Variants in BACH2 observed in about 807,000 individuals in gnomAD.
BACH2 encodes the protein transcription regulator protein BACH2.
Under a neutral mutation model 61.8 loss-of-function variants are expected in BACH2, and 5 were observed. That is an observed-to-expected ratio of 0.08 (90% CI 0.04 to 0.17). The LOEUF (loss-of-function observed/expected upper bound fraction) is 0.17, where lower values mean the gene tolerates loss of function less well. Ranked by LOEUF, BACH2 falls within the 10% of genes least tolerant of loss-of-function variation. BACH2 has a pLI of 1.00. For synonymous variants in BACH2, 446 were observed against 440.1 expected, an observed-to-expected ratio of 1.01 and a Z score of -0.17; for missense variants, 824 against 1,091.1, an observed-to-expected ratio of 0.76 and a Z score of 3.45.
At chr6:90,066,663 C>T (rs1300340570) in intron 5 of BACH2, among the ~76,000 whole-genome samples, 4 of 152,186 alleles carry the variant, frequency 2.6e-5, no homozygotes, top group Admixed American at 6.5e-5. Flanking sequence ...TTCCTTCATG[C>T]CACCTTTACT....
At chr6:90,193,361 C>A (rs1768643201) in intron 4 of BACH2, among the ~76,000 whole-genome samples, 1 of 152,102 alleles carries the variant, frequency 6.6e-6, no homozygotes. Context: ...AATTTGGATA[C>A]ACACAGGAAA....
intron 1 of BACH2, among the ~76,000 whole-genome samples, chr6:90,281,381 A>G (rs1272499519): frequency 6.6e-6 from 1 of 152,236 alleles, no homozygotes; most frequent in Non-Finnish European, 1.5e-5. Flanking sequence ...ACACATATAT[A>G]AAAAACATAG....
At chr6:89,948,774 A>T (rs1038449805) in intron 7 of BACH2, among the ~76,000 whole-genome samples, 4 of 152,174 alleles carry the variant, frequency 2.6e-5, no homozygotes, top group African/African-American at 9.7e-5. Flanking sequence ...AGGGACACAG[A>T]TGTGAGCCTG....
At chr6:90,173,530 T>C (rs981028584) in intron 4 of BACH2, among the ~76,000 whole-genome samples, 1 of 152,132 alleles carries the variant, frequency 6.6e-6, no homozygotes, top group African/African-American at 2.4e-5. Context: ...ACAGCATAAA[T>C]GAATCTCAAA....
chr6:90,056,021 C>A (rs917368686), intron 5 of BACH2, among the ~76,000 whole-genome samples: 8 of 152,262 alleles, frequency 5.3e-5, no homozygotes, highest in Admixed American at 3.9e-4. Flanking sequence ...AAAAACATAC[C>A]AAATTGTAAA....
chr6:90,091,351 G>C (rs1344460823), intron 4 of BACH2, among the ~76,000 whole-genome samples: 1 of 152,144 alleles, frequency 6.6e-6, no homozygotes, highest in Non-Finnish European at 1.5e-5. Context: ...TGTGAGGTAA[G>C]AGTGTTATAT....
At position 90,066,274 on chromosome 6, in the gene BACH2, C is replaced by T. The variant is rs532556638; in HGVS notation, c.-13+22687G>A. Among the ~76,000 whole-genome samples the T allele has an allele frequency of 6.6e-5, 10 of 152,246 alleles. No individual in the cohort carries two copies. In the South Asian group the frequency reaches 2.1e-3, roughly 32 times the overall value. ...ACACTGCACAGGAATTCACGTGGTG[C>T]ATTCAAGAGAGGTGACCAGTGGCTC... On this transcript the variant is annotated intron_variant, in intron 5 of 8. Coordinates refer to ENST00000257749, the MANE Select transcript of BACH2 (RefSeq NM_021813.4).
chr6:90,274,757 TTC>T (rs1323442430), intron 1 of BACH2, among the ~76,000 whole-genome samples: 2 of 152,246 alleles, frequency 1.3e-5, no homozygotes, highest in African/African-American at 2.4e-5. Context: ...GTTATTTAGA[TTC>T]TGTCATTGAG....
chr6:89,999,917 A>G (rs1369441752), intron 6 of BACH2, among the ~76,000 whole-genome samples: 7 of 152,242 alleles, frequency 4.6e-5, no homozygotes, highest in Non-Finnish European at 7.3e-5. Flanking sequence ...AGAAATCTTA[A>G]AAACGGCTTT....
intron 5 of BACH2, among the ~76,000 whole-genome samples, chr6:90,058,119 C>G (rs1780469708): frequency 6.6e-6 from 1 of 152,114 alleles, no homozygotes; most frequent in Non-Finnish European, 1.5e-5. Context: ...GAAGTTCTGG[C>G]CAGGGCAATT....
chr6:90,175,570 G>A (rs1240421078), intron 4 of BACH2, among the ~76,000 whole-genome samples: 1 of 152,112 alleles, frequency 6.6e-6, no homozygotes, highest in African/African-American at 2.4e-5. Context: ...AAAATTCTCA[G>A]TGTTGGGGCG....
In BACH2 at chr6:89,929,237, T is replaced by C. The variant is rs1310315658; in HGVS notation, c.*3171A>G. On this transcript the variant is annotated 3_prime_UTR_variant, in exon 9 of 9. Coordinates refer to ENST00000257749, the MANE Select transcript of BACH2 (RefSeq NM_021813.4). Reference sequence around the variant, plus strand: ...GAAAAGAGCCTTAAGAACAACCAAATGTTACTGTACTGTGCAAACACTCTT... The same window carrying C: ...GAAAAGAGCCTTAAGAACAACCAAACGTTACTGTACTGTGCAAACACTCTT... 2 of 152,346 alleles carry C rather than the reference T, an allele frequency of 1.3e-5. No homozygotes were observed. 9.4% of individuals were successfully genotyped at this position (152,346 alleles called of 1,614,324 possible).
chr6:90,064,791 C>T (rs1443827477), intron 5 of BACH2, among the ~76,000 whole-genome samples: 1 of 152,198 alleles, frequency 6.6e-6, no homozygotes, highest in Non-Finnish European at 1.5e-5. Flanking sequence ...TGACTGTGTG[C>T]TCCTTGAGGA....
chr6:90,042,954 C>T (rs147262288), intron 5 of BACH2, among the ~76,000 whole-genome samples: 3 of 152,132 alleles, frequency 2.0e-5, no homozygotes, highest in African/African-American at 7.2e-5. Flanking sequence ...GTGGCAACCA[C>T]GGCCTGATTT....
In BACH2 at chr6:90,277,402, C is replaced by T. The variant is rs555816819; in HGVS notation, c.-445-5461G>A. Among the ~76,000 whole-genome samples, 6 of 152,268 alleles carry T rather than the reference C, an allele frequency of 3.9e-5. No individual in the cohort carries two copies. The South Asian group carries it at 1.2e-3, about 32-fold the overall frequency. On this transcript the variant is annotated intron_variant, in intron 1 of 8. Coordinates refer to ENST00000257749, the MANE Select transcript of BACH2 (RefSeq NM_021813.4). ...GAAGTTAGACACAAAATAGTACATT[C>T]TGTATCTCCATTGATATAAAGTTCA...
intron 4 of BACH2, chr6:90,116,693 TACCA>T (rs1783415393): frequency 2.8e-6 from 1 of 353,742 alleles, no homozygotes; most frequent in African/African-American, 2.2e-5. Context: ...TGATGGTCAA[TACCA>T]TATGGGGAAG....
chr6:90,216,013 T>C (rs538953118), intron 3 of BACH2, among the ~76,000 whole-genome samples: 1 of 152,276 alleles, frequency 6.6e-6, no homozygotes, highest in East Asian at 1.9e-4. Flanking sequence ...ACTGATGTTT[T>C]AGTAGAATGA....
intron 5 of BACH2, among the ~76,000 whole-genome samples, chr6:90,035,208 C>A (rs1410455387): frequency 1.3e-5 from 2 of 152,090 alleles, no homozygotes; most frequent in Non-Finnish European, 2.9e-5. Context: ...TATTATGACA[C>A]ACCAAACTAC....
At chr6:90,282,338 G>A (rs572419204) in intron 1 of BACH2, among the ~76,000 whole-genome samples, 1 of 151,910 alleles carries the variant, frequency 6.6e-6, no homozygotes. Context: ...CTCAGTGTCC[G>A]TTGTTCCCCT....
Sources: allele counts gnomAD v4.1 joint callset (sites outside exome capture counted in the v4.1 genomes callset), GRCh38; gene constraint gnomAD v4.1.1; transcripts MANE v1.5; gene names NCBI Gene and HGNC (gene_info 2026-07-23, HGNC 2026-07-21).